Variants in PDE10A observed in about 807,000 individuals in gnomAD.
The protein encoded by PDE10A is phosphodiesterase 10A, also known as cAMP and cAMP-inhibited cGMP 3',5'-cyclic phosphodiesterase 10A.
Under a neutral mutation model 97.7 loss-of-function variants are expected in PDE10A, and 39 were observed. That is an observed-to-expected ratio of 0.40 (90% confidence interval 0.31 to 0.52). The LOEUF is 0.52. PDE10A is among the 20% of genes least tolerant of loss of function. The pLI is 0.56. For missense variants in PDE10A, 731 were observed against 1,047.8 expected (o/e 0.70, Z 4.17); for synonymous variants, 371 against 376.8 (o/e 0.98, Z 0.18).
chr6:165,734,210 C>T (rs938699169), intron 1 of PDE10A, among the ~76,000 whole-genome samples: 1 of 152,262 alleles, frequency 6.6e-6, no homozygotes, highest in South Asian at 2.1e-4. Flanking sequence ...ATCTGAATCC[C>T]AAACTCATAC....
At chr6:165,672,151 C>G (rs1790665015) in intron 1 of PDE10A, among the ~76,000 whole-genome samples, 1 of 152,202 alleles carries the variant, frequency 6.6e-6, no homozygotes, top group African/African-American at 2.4e-5. Flanking sequence ...AAGATTTCCA[C>G]AGTTTATCAG....
chr6:165,345,716 A>C (rs1349536820), intron 18 of PDE10A, among the ~76,000 whole-genome samples: 2 of 152,250 alleles, frequency 1.3e-5, no homozygotes, highest in Non-Finnish European at 2.9e-5. Flanking sequence ...AGGTTTAACT[A>C]CATTCATTTA....
At chr6:165,871,714 C>A (rs34717377) in intron 1 of PDE10A, among the ~76,000 whole-genome samples, 5,076 of 152,246 alleles carry the variant, frequency 0.033, 101 homozygotes, top group Non-Finnish European at 0.048. Context: ...CCAGGAAGAG[C>A]ACCCAAAGGC....
chr6:165,440,144 T>A (rs900557718), intron 5 of PDE10A, among the ~76,000 whole-genome samples: 7 of 152,340 alleles, frequency 4.6e-5, no homozygotes, highest in African/African-American at 1.7e-4. Context: ...TACATCTATG[T>A]AGACGGCCGT....
intron 1 of PDE10A, among the ~76,000 whole-genome samples, chr6:165,760,827 G>T (rs1364949591): frequency 6.6e-6 from 1 of 152,318 alleles, no homozygotes. Flanking sequence ...TCAGGGAAGG[G>T]ATTTGAGTTG....
In PDE10A at chr6:165,749,218, C is replaced by CA. The variant is rs1562717164; in HGVS notation, c.-614-205651dup. 2.6e-4 allele frequency among the ~76,000 whole-genome samples: 35 copies of CA among 133,162 alleles called. 1 individual carries two copies. Among genetic ancestry groups the CA allele is most frequent in the East Asian group, 1.2e-3 (5 of 4,272 alleles). The allele number at this position is 133,162 out of a possible 152,430, so 87.4% of individuals were successfully genotyped here. The stretch of plus-strand genomic sequence containing the variant: ...TCACCATCACCATCATCACCATCAC[C>CA]ATCATATCACCATCACCACCATCAC... On this transcript the variant is annotated intron_variant, in intron 1 of 19. Transcript: ENST00000366882.
chr6:165,380,831 T>G (rs1784883799), intron 17 of PDE10A, among the ~76,000 whole-genome samples: 1 of 152,236 alleles, frequency 6.6e-6, no homozygotes, highest in African/African-American at 2.4e-5. Flanking sequence ...TATTGATTCA[T>G]GCTATGGTAT....
At chr6:165,496,216 CA>C (rs1180113667) in intron 2 of PDE10A, among the ~76,000 whole-genome samples, 5 of 152,106 alleles carry the variant, frequency 3.3e-5, no homozygotes, top group African/African-American at 1.2e-4. Flanking sequence ...CCCTTATTTC[CA>C]AATACTAAGT....
chr6:165,970,109 A>T (rs964871010), intron 1 of PDE10A, among the ~76,000 whole-genome samples: 18 of 152,250 alleles, frequency 1.2e-4, no homozygotes, highest in Admixed American at 1.2e-3. Context: ...AACCATGAGT[A>T]TATACCAAAA....
chr6:165,885,321 TC>T (rs1288203153), intron 1 of PDE10A, among the ~76,000 whole-genome samples: 2 of 152,038 alleles, frequency 1.3e-5, no homozygotes, highest in Non-Finnish European at 2.9e-5. Context: ...GTGGGCACCT[TC>T]TTCACAAGGT....
At chr6:165,838,421 C>T (rs376554115) in intron 1 of PDE10A, among the ~76,000 whole-genome samples, 1 of 151,398 alleles carries the variant, frequency 6.6e-6, no homozygotes, top group African/African-American at 2.4e-5. Flanking sequence ...ATATAATTTA[C>T]AAGCCACAAA....
At chr6:165,472,009 T>C (rs1285128231) in intron 3 of PDE10A, among the ~76,000 whole-genome samples, 1 of 152,230 alleles carries the variant, frequency 6.6e-6, no homozygotes, top group African/African-American at 2.4e-5. Flanking sequence ...GATGAGTTAT[T>C]TTCCTAGCTT....
At chr6:165,593,487 A>G (rs1373261414) in intron 1 of PDE10A, among the ~76,000 whole-genome samples, 1 of 152,184 alleles carries the variant, frequency 6.6e-6, no homozygotes, top group African/African-American at 2.4e-5. Flanking sequence ...AACAAAGTTG[A>G]TGGCATGAGT....
At chr6:165,372,076 C>T (rs569463750) in intron 18 of PDE10A, among the ~76,000 whole-genome samples, 9 of 150,440 alleles carry the variant, frequency 6.0e-5, no homozygotes, top group Non-Finnish European at 1.0e-4. Context: ...TAGGACGTAT[C>T]TCAAAATAAT....
At chr6:165,453,784 C>T (rs1416506996) in intron 3 of PDE10A, among the ~76,000 whole-genome samples, 1 of 152,230 alleles carries the variant, frequency 6.6e-6, no homozygotes, top group African/African-American at 2.4e-5. Context: ...AAACTTGTTA[C>T]AGCAGTGGAG....
Position 165,577,281 on chromosome 6 carries a change from TG to T in PDE10A, c.866-33714del, listed in dbSNP as rs1785358192. On this transcript the variant is annotated intron_variant, in intron 1 of 21. Coordinates refer to ENST00000539869, the MANE Select transcript of PDE10A (RefSeq NM_001385079.1). ...CTTGCCTTTCTGGTTTCAGGTCTCC[TG>T]ATCAATCTTTCTTCACCTACTCTAC... 1.3e-5 allele frequency among the ~76,000 whole-genome samples: 2 copies of T among 152,176 alleles called. 1 individual carries two copies. Among genetic ancestry groups the T allele is most frequent in the South Asian group, 4.1e-4 (2 of 4,828 alleles).
intron 1 of PDE10A, among the ~76,000 whole-genome samples, chr6:165,759,340 T>C (rs1369316885): frequency 2.0e-5 from 3 of 152,206 alleles, no homozygotes; most frequent in Non-Finnish European, 4.4e-5. Context: ...AGGGACAGCG[T>C]TGAGAGAACA....
chr6:165,626,020 G>A (rs1292439831), intron 1 of PDE10A, among the ~76,000 whole-genome samples: 1 of 152,206 alleles, frequency 6.6e-6, no homozygotes, highest in African/African-American at 2.4e-5. Context: ...TTGGAGGCCT[G>A]AGCTTTGCAG....
intron 18 of PDE10A, among the ~76,000 whole-genome samples, chr6:165,349,319 C>T (rs1782531852): frequency 6.6e-6 from 1 of 152,056 alleles, no homozygotes; most frequent in African/African-American, 2.4e-5. Context: ...TCCAGGTGGT[C>T]TCAGATGTAG....
Sources: allele counts gnomAD v4.1 joint callset (sites outside exome capture counted in the v4.1 genomes callset), GRCh38; gene constraint gnomAD v4.1.1; transcripts MANE v1.5; gene names NCBI Gene and HGNC (gene_info 2026-07-23, HGNC 2026-07-21).